TRPC5: variants seen among roughly 807,000 people sequenced by gnomAD.
The protein encoded by TRPC5 is transient receptor potential cation channel subfamily C member 5, also known as short transient receptor potential channel 5.
A neutral mutation model predicts 56.5 loss-of-function variants in TRPC5; 9 were observed. That is an observed-to-expected ratio of 0.16 (90% CI 0.10 to 0.28). TRPC5 has a LOEUF of 0.28. Among genes scored for constraint, TRPC5 ranks in the 10% least tolerant of loss-of-function variants. TRPC5 has a pLI of 1.00. For synonymous variants in TRPC5, 282 were observed against 278.5 expected (o/e 1.01, Z -0.13); for missense variants, 469 against 748.9 (o/e 0.63, Z 4.36).
At chrX:111,966,785 C>G (rs1927598272) in intron 1 of TRPC5, among the ~76,000 whole-genome samples, 1 of 112,485 alleles carries the variant, frequency 8.9e-6, no homozygotes. Flanking sequence ...AACAACTCTT[C>G]ATGCTAAAAA....
chrX:111,858,517 G>C (rs1260199774), intron 3 of TRPC5, among the ~76,000 whole-genome samples: 1 of 111,706 alleles, frequency 9.0e-6, no homozygotes, highest in African/African-American at 3.3e-5. Context: ...TACAGACTAA[G>C]AGTTTTTAAG....
Position 111,769,950 on chromosome X carries a change from A to G in TRPC5, c.*6363T>C, listed in dbSNP as rs1353723943. On this transcript the variant is annotated 3_prime_UTR_variant, in exon 11 of 11. Coordinates refer to ENST00000262839, the MANE Select transcript of TRPC5 (RefSeq NM_012471.3). Reference sequence around the variant, plus strand: ...CAGAGATTGTACTGTGGACTTTGAAAGTCATTTCAAAAGCAGAAGTCCAAA... The same window carrying G: ...CAGAGATTGTACTGTGGACTTTGAAGGTCATTTCAAAAGCAGAAGTCCAAA... Among the ~76,000 whole-genome samples the G allele has an allele frequency of 8.9e-6, 1 of 111,734 alleles. No homozygotes were observed. The highest frequency in any genetic ancestry group is 1.9e-5 in the Non-Finnish European group (1 of 53,105).
chrX:112,023,246 G>GTTTTTTT lies in TRPC5; in HGVS notation c.-22+58626_-22+58632dup, dbSNP rs1163231468. On this transcript the variant is annotated intron_variant, in intron 1 of 10. Transcript: ENST00000262839. ...ACTGCGCCCAGCAGTTTTTTTTTTT[G>GTTTTTTT]TTTTTTTTTTTTTTTTTTTTTTTTT... Among the ~76,000 whole-genome samples, 11 of 56,677 alleles carry GTTTTTTT rather than the reference G, an allele frequency of 1.9e-4. 1 individual carries two copies. The highest frequency in any genetic ancestry group is 2.5e-4 in the Non-Finnish European group (8 of 31,582). 49.2% of individuals were successfully genotyped at this position (56,677 alleles called of 115,157 possible). A position where few individuals can be genotyped will look rare whatever the true frequency, so the allele number is the denominator to read the frequency against.
At chrX:111,979,246 G>A (rs760968303) in intron 1 of TRPC5, among the ~76,000 whole-genome samples, 7 of 111,229 alleles carry the variant, frequency 6.3e-5, no homozygotes, top group Non-Finnish European at 1.3e-4. Flanking sequence ...TCAACAAAAG[G>A]TGCTGGAACA....
intron 7 of TRPC5, among the ~76,000 whole-genome samples, chrX:111,822,364 G>A (rs1020205326): frequency 1.8e-5 from 2 of 111,813 alleles, no homozygotes; most frequent in Non-Finnish European, 3.8e-5. Context: ...CAAATCTTAA[G>A]GTAAGGAATT....
chrX:112,006,261 C>T (rs912857529), intron 1 of TRPC5, among the ~76,000 whole-genome samples: 1 of 111,425 alleles, frequency 9.0e-6, no homozygotes, highest in African/African-American at 3.3e-5. Flanking sequence ...TGAAATCCAG[C>T]CAGCAATATG....
At chrX:111,829,081 A>G (rs1027534446) in intron 7 of TRPC5, among the ~76,000 whole-genome samples, 1 of 110,731 alleles carries the variant, frequency 9.0e-6, no homozygotes, top group Non-Finnish European at 1.9e-5. Flanking sequence ...AGGTGGGTGG[A>G]TCACGAGGTC....
intron 2 of TRPC5, among the ~76,000 whole-genome samples, chrX:111,922,766 A>G (rs936962478): frequency 8.9e-6 from 1 of 111,911 alleles, no homozygotes; most frequent in Non-Finnish European, 1.9e-5. Flanking sequence ...AATGGACAAC[A>G]TTTACTTGGG....
intron 2 of TRPC5, among the ~76,000 whole-genome samples, chrX:111,949,547 A>G (rs1159978185): frequency 4.5e-5 from 5 of 112,203 alleles, no homozygotes; most frequent in Non-Finnish European, 9.4e-5. Context: ...TGAATAGACA[A>G]TTCTCAAAAG....
chrX:111,966,288 G>A (rs1324988304), intron 1 of TRPC5, among the ~76,000 whole-genome samples: 1 of 111,676 alleles, frequency 9.0e-6, no homozygotes, highest in Non-Finnish European at 1.9e-5. Flanking sequence ...GGAAGAAGTT[G>A]AACCTCTGAA....
At chrX:112,077,750 G>A (rs760846754) in intron 1 of TRPC5, among the ~76,000 whole-genome samples, 2 of 112,283 alleles carry the variant, frequency 1.8e-5, no homozygotes, top group South Asian at 3.7e-4. Flanking sequence ...ATAAATTAGG[G>A]TGGGATTAAT....
intron 7 of TRPC5, among the ~76,000 whole-genome samples, chrX:111,785,503 TCTC>T (rs200478560): frequency 0.078 from 8,663 of 111,214 alleles, 859 homozygotes; most frequent in African/African-American, 0.27. Context: ...GAGCGCCTCT[TCTC>T]CTCCAAAGAA....
chrX:111,865,102 G>A (rs189293698), intron 3 of TRPC5, among the ~76,000 whole-genome samples: 9 of 110,239 alleles, frequency 8.2e-5, no homozygotes, highest in East Asian at 2.9e-4. Flanking sequence ...TGCAATCTCC[G>A]CCTCCCTGGC....
intron 3 of TRPC5, chrX:111,896,306 GCTCTTTAAT>G (rs1925056541): frequency 9.7e-6 from 1 of 103,366 alleles, no homozygotes; most frequent in Non-Finnish European, 1.9e-5. Flanking sequence ...CTTAGAAAGG[GCTCTTTAAT>G]CTCGTCCTTG....
At chrX:111,843,619 G>A (rs1322397229) in intron 6 of TRPC5, among the ~76,000 whole-genome samples, 1 of 111,477 alleles carries the variant, frequency 9.0e-6, no homozygotes, top group Non-Finnish European at 1.9e-5. Context: ...AGACTGGAGA[G>A]GCAAGAGTCA....
intron 3 of TRPC5, among the ~76,000 whole-genome samples, chrX:111,897,858 C>T (rs1418578366): frequency 9.0e-6 from 1 of 111,272 alleles, no homozygotes; most frequent in Non-Finnish European, 1.9e-5. Context: ...GTAAAAGTCA[C>T]TTTGTGAACT....
chrX:111,919,784 A>G (rs779120168), intron 2 of TRPC5, among the ~76,000 whole-genome samples: 2 of 112,074 alleles, frequency 1.8e-5, no homozygotes, highest in Non-Finnish European at 3.8e-5. Context: ...CACTAACACT[A>G]ATGATAACTG....
At chrX:112,052,722 C>T (rs998220102) in intron 1 of TRPC5, among the ~76,000 whole-genome samples, 2 of 111,288 alleles carry the variant, frequency 1.8e-5, no homozygotes, top group Non-Finnish European at 3.8e-5. Context: ...ATGAAGCTTC[C>T]CCCCGGAGGT....
chrX:112,053,049 A>G (rs943170831), intron 1 of TRPC5, among the ~76,000 whole-genome samples: 3 of 111,696 alleles, frequency 2.7e-5, no homozygotes, highest in Admixed American at 1.9e-4. Context: ...CACCCACTGA[A>G]GTATGAAGCT....
Sources: gnomAD v4.1 joint callset for allele counts (sites outside exome capture counted in the v4.1 genomes callset) on GRCh38, gnomAD v4.1.1 for gene constraint, MANE v1.5 for transcripts, NCBI Gene and HGNC (gene_info 2026-07-23, HGNC 2026-07-21) for gene names.